FAM135B: variants seen among roughly 807,000 people sequenced by gnomAD.
The protein encoded by FAM135B is family with sequence similarity 135 member B, also known as protein FAM135B.
A neutral mutation model predicts 127.7 loss-of-function variants in FAM135B; 43 were observed. The observed-to-expected ratio is 0.34, with a 90% CI of 0.26 to 0.43. The LOEUF (loss-of-function observed/expected upper bound fraction) is 0.43. FAM135B is among the 20% of genes least tolerant of loss of function. FAM135B has a pLI of 1.00. For missense variants in FAM135B, 1,558 were observed against 1,725.6 expected (o/e 0.90, Z 1.72); for synonymous variants, 670 against 665.1 (o/e 1.01, Z -0.11).
At chr8:138,432,217 G>A (rs1001320599) in intron 1 of FAM135B, among the ~76,000 whole-genome samples, 3 of 152,152 alleles carry the variant, frequency 2.0e-5, no homozygotes, top group South Asian at 4.1e-4. Context: ...AAGGTAAAAT[G>A]TTCCTTTATA....
intron 1 of FAM135B, among the ~76,000 whole-genome samples, chr8:138,446,357 A>T (rs554920199): frequency 2.6e-5 from 4 of 152,296 alleles, no homozygotes; most frequent in Non-Finnish European, 5.9e-5. Flanking sequence ...GTCAATCCTA[A>T]GCCAAAAGAA....
intron 3 of FAM135B, among the ~76,000 whole-genome samples, chr8:138,300,506 C>A (rs764043528): frequency 9.0e-4 from 137 of 152,260 alleles, no homozygotes; most frequent in Non-Finnish European, 1.4e-3. Flanking sequence ...AAGTCCTCTG[C>A]TGCAAAGGTC....
intron 1 of FAM135B, among the ~76,000 whole-genome samples, chr8:138,393,284 C>G (rs898122620): frequency 3.9e-5 from 6 of 152,118 alleles, no homozygotes; most frequent in African/African-American, 1.4e-4. Context: ...TTCTTCCCAA[C>G]AGAGTCAAGT....
At chr8:138,415,523 T>C (rs1051318076) in intron 1 of FAM135B, among the ~76,000 whole-genome samples, 3 of 152,114 alleles carry the variant, frequency 2.0e-5, no homozygotes, top group Admixed American at 6.5e-5. Context: ...GACCCAGGGA[T>C]GGGGAGAGAC....
At chr8:138,400,149 AC>A (rs1483118459) in intron 1 of FAM135B, among the ~76,000 whole-genome samples, 1 of 152,192 alleles carries the variant, frequency 6.6e-6, no homozygotes, top group African/African-American at 2.4e-5. Context: ...GGAAGCCCCC[AC>A]AGCAAGGCTT....
intron 1 of FAM135B, among the ~76,000 whole-genome samples, chr8:138,413,866 C>T (rs375904799): frequency 4.6e-5 from 7 of 150,760 alleles, no homozygotes; most frequent in South Asian, 2.1e-4. Context: ...CATGGTAAAA[C>T]GTGCAGAATA....
Position 138,138,263 on chromosome 8 carries a change from T to C in FAM135B, c.3901+723A>G, listed in dbSNP as rs147439916. ...CAGAGGCAGAAAGTAGGAAAGGAAC[T>C]CAGCCAGGCTCACAGATGAGCCCGT... On this transcript the variant is annotated intron_variant, in intron 18 of 19. Transcript: ENST00000395297. 3.9e-3 allele frequency among the ~76,000 whole-genome samples: 590 copies of C among 152,310 alleles called. 2 individuals are homozygous for C. Among genetic ancestry groups the C allele is most frequent in the Middle Eastern group, 0.014 (4 of 294 alleles).
At chr8:138,144,163 G>A (rs1192190660) in intron 15 of FAM135B, 1 of 152,306 alleles carries the variant, frequency 6.6e-6, no homozygotes, top group Non-Finnish European at 1.5e-5. Context: ...GCCCATGCCT[G>A]TAAACACAGC....
chr8:138,266,187 C>T (rs932842120), intron 3 of FAM135B, among the ~76,000 whole-genome samples: 1 of 152,120 alleles, frequency 6.6e-6, no homozygotes, highest in Non-Finnish European at 1.5e-5. Flanking sequence ...ACCTCCTCTC[C>T]CAGAAACAAT....
rs1724250012 is a variant in FAM135B, at chr8:138,151,220, A to C, written c.3255T>G (p.Asp1085Glu). The C allele has an allele frequency of 3.9e-6, 6 of 1,549,758 alleles. No individual in the cohort carries two copies. The highest frequency in any genetic ancestry group is 5.2e-6 in the Non-Finnish European group (6 of 1,148,064). Residue 1085 changes from aspartate (D) to glutamate (E), a missense_variant, in exon 13 of 20, where the codon GAT (aspartate) becomes GAG (glutamate). Physicochemically the swap from Asp to Glu is conservative, Grantham distance 45 (BLOSUM62 2). Around this residue, in one of 5 missense-constraint regions of FAM135B, gnomAD observed 923 missense variants for 865.3 expected, o/e 1.07. Coordinates refer to ENST00000395297, the MANE Select transcript of FAM135B (RefSeq NM_015912.4). ...GVVSTHSSTL[D>E]EEVSERMFSF... is the part of the protein sequence containing the mutation. Reference sequence around the variant, plus strand: ...TAAACATCCTCTCACTGACTTCCTCATCCAACGTGCTGGAATGGGTAGAAA... The same window carrying C: ...TAAACATCCTCTCACTGACTTCCTCCTCCAACGTGCTGGAATGGGTAGAAA...
chr8:138,469,201 CAGAAAGAAAGGAA>C (rs1025117455), intron 1 of FAM135B, among the ~76,000 whole-genome samples: 1 of 150,136 alleles, frequency 6.7e-6, no homozygotes, highest in Admixed American at 6.6e-5. Context: ...TTTAAAGTTT[CAGAAAGAAAGGAA>C]AGAAAGAAAG....
chr8:138,142,798 A>G, intron 16 of FAM135B: 1 of 457,464 alleles, frequency 2.2e-6, no homozygotes, highest in Non-Finnish European at 3.9e-6. Context: ...CAGAACTACA[A>G]AATTTTTATT....
intron 1 of FAM135B, among the ~76,000 whole-genome samples, chr8:138,435,230 G>A (rs181851779): frequency 6.6e-6 from 1 of 152,280 alleles, no homozygotes; most frequent in Admixed American, 6.5e-5. Flanking sequence ...CCGGGAGGCA[G>A]AGGTTGCAGT....
At chr8:138,335,003 G>A (rs1415413528) in intron 2 of FAM135B, among the ~76,000 whole-genome samples, 1 of 152,164 alleles carries the variant, frequency 6.6e-6, no homozygotes, top group African/African-American at 2.4e-5. Context: ...CAGAAGAAAA[G>A]TCTACATTTT....
intron 2 of FAM135B, among the ~76,000 whole-genome samples, chr8:138,315,212 A>G (rs970130688): frequency 6.6e-6 from 1 of 152,192 alleles, no homozygotes; most frequent in Non-Finnish European, 1.5e-5. Context: ...ACGTTTGTGA[A>G]AAAGTACTCA....
At chr8:138,330,023 A>T (rs897792217) in intron 2 of FAM135B, among the ~76,000 whole-genome samples, 8 of 152,294 alleles carry the variant, frequency 5.3e-5, no homozygotes, top group African/African-American at 1.9e-4. Flanking sequence ...GCTCTCAACC[A>T]GCTAGTTAGT....
chr8:138,326,695 C>A (rs1375600125), intron 2 of FAM135B, among the ~76,000 whole-genome samples: 2 of 152,056 alleles, frequency 1.3e-5, no homozygotes, highest in African/African-American at 4.8e-5. Flanking sequence ...ATGATAGAAT[C>A]CAGGTGCTCA....
chr8:138,174,342 G>A (rs1369004058), intron 11 of FAM135B, among the ~76,000 whole-genome samples: 5 of 152,068 alleles, frequency 3.3e-5, no homozygotes, highest in African/African-American at 4.8e-5. Flanking sequence ...TATGTAAGCC[G>A]CATGACCTCC....
At chr8:138,266,777 TACACACAC>T (rs754336924) in intron 3 of FAM135B, among the ~76,000 whole-genome samples, 2 of 7,432 alleles carry the variant, frequency 2.7e-4, no homozygotes, top group South Asian at 2.9e-3. Context: ...TACATATATA[TACACACAC>T]ACACACATAC....
Sources: gnomAD v4.1 joint callset for allele counts (sites outside exome capture counted in the v4.1 genomes callset) on GRCh38, gnomAD v4.1.1 for gene constraint, gnomAD v4.1.1 regional missense constraint, MANE v1.5 for transcripts, NCBI Gene and HGNC (gene_info 2026-07-23, HGNC 2026-07-21) for gene names.